NAALADL2: variants seen among roughly 807,000 people sequenced by gnomAD.
NAALADL2 encodes the protein N-acetylated alpha-linked acidic dipeptidase like 2.
Under a neutral mutation model 87.2 loss-of-function variants are expected in NAALADL2, and 76 were observed. The ratio of observed to expected loss-of-function variants is 0.87; its 90% CI spans 0.72 to 1.05. The LOEUF (loss-of-function observed/expected upper bound fraction) is 1.05. NAALADL2 is among the 50% of genes least tolerant of loss of function. NAALADL2 has a pLI of 0.00. For missense variants in NAALADL2, 1,089 were observed against 945.8 expected, an observed-to-expected ratio of 1.15 and a Z score of -1.99; for synonymous variants, 354 against 331.0, an observed-to-expected ratio of 1.07 and a Z score of -0.75.
chr3:175,588,785 G>A lies in NAALADL2; in HGVS notation c.1800+12598G>A, dbSNP rs982413132. 6.6e-5 allele frequency among the ~76,000 whole-genome samples: 10 copies of A among 152,088 alleles called. No individual in the cohort carries two copies. In the South Asian group the frequency reaches 1.5e-3, roughly 22 times the overall value. On this transcript the variant is annotated intron_variant, in intron 10 of 13. Coordinates refer to ENST00000454872, the MANE Select transcript of NAALADL2 (RefSeq NM_207015.3). Reference sequence around the variant, plus strand: ...GATCTCCTGACCTCGTGATCCGCCCGCCTTGGCCTCCCAAAGTGCTGGGAT... The same window carrying A: ...GATCTCCTGACCTCGTGATCCGCCCACCTTGGCCTCCCAAAGTGCTGGGAT...
At chr3:175,273,917 A>G (rs1188663003) in intron 4 of NAALADL2, among the ~76,000 whole-genome samples, 2 of 152,060 alleles carry the variant, frequency 1.3e-5, no homozygotes, top group Non-Finnish European at 2.9e-5. Context: ...AAAATCGTTA[A>G]GTTTCTTAAA....
chr3:175,436,003 C>A (rs1289170422), intron 5 of NAALADL2, among the ~76,000 whole-genome samples: 1 of 114,824 alleles, frequency 8.7e-6, no homozygotes, highest in Admixed American at 1.0e-4. Context: ...CTCCCCCCTC[C>A]CCCCACCCCA....
At position 175,309,636 on chromosome 3, in the gene NAALADL2, T is replaced by C. The variant is rs1483793514; in HGVS notation, c.940-14539T>C. The stretch of plus-strand genomic sequence containing the variant: ...TTTTTTTCAGCTTCCCTGACACTAC[T>C]CCCCACCCTAGACAAATGCAAAGAA... On this transcript the variant is annotated intron_variant, in intron 4 of 13. Coordinates refer to ENST00000454872, the MANE Select transcript of NAALADL2 (RefSeq NM_207015.3). Among the ~76,000 whole-genome samples the C allele has an allele frequency of 6.6e-5, 10 of 152,002 alleles. No homozygotes were observed. In the East Asian group the frequency reaches 1.4e-3, roughly 21 times the overall value.
intron 2 of NAALADL2, among the ~76,000 whole-genome samples, chr3:175,166,314 C>T (rs1734000435): frequency 6.6e-6 from 1 of 151,984 alleles, no homozygotes; most frequent in Admixed American, 6.6e-5. Context: ...TTCTGATTCT[C>T]ACCTCATTTC....
chr3:175,302,559 A>G (rs1757213068), intron 4 of NAALADL2, among the ~76,000 whole-genome samples: 1 of 152,168 alleles, frequency 6.6e-6, no homozygotes, highest in South Asian at 2.1e-4. Flanking sequence ...GATAGAACAG[A>G]CATTCTGGAA....
At chr3:174,697,696 C>T (rs578017392) in intron 2 of NAALADL2, among the ~76,000 whole-genome samples, 13 of 152,150 alleles carry the variant, frequency 8.5e-5, no homozygotes, top group African/African-American at 2.9e-4. Context: ...ATCATGGCCC[C>T]TAGTTTTCAC....
intron 1 of NAALADL2, among the ~76,000 whole-genome samples, chr3:174,530,990 G>T (rs1721188921): frequency 6.6e-6 from 1 of 152,142 alleles, no homozygotes; most frequent in Non-Finnish European, 1.5e-5. Flanking sequence ...TTGAGGTAAA[G>T]CACACTGACC....
chr3:174,620,078 C>T (rs933305351), intron 2 of NAALADL2, among the ~76,000 whole-genome samples: 3 of 151,898 alleles, frequency 2.0e-5, no homozygotes, highest in African/African-American at 7.2e-5. Context: ...TACAAAGTAC[C>T]CCGATCCACA....
At chr3:174,926,835 G>C (rs910469733) in intron 1 of NAALADL2, among the ~76,000 whole-genome samples, 2 of 152,028 alleles carry the variant, frequency 1.3e-5, no homozygotes, top group African/African-American at 4.8e-5. Flanking sequence ...ATAATGACAG[G>C]ATCAAATTCA....
At chr3:174,472,511 C>T (rs1393324430) in intron 1 of NAALADL2, among the ~76,000 whole-genome samples, 1 of 152,076 alleles carries the variant, frequency 6.6e-6, no homozygotes, top group African/African-American at 2.4e-5. Context: ...GGAGGGATCA[C>T]AAAATTCCAT....
At chr3:174,927,047 A>G (rs1280920382) in intron 1 of NAALADL2, among the ~76,000 whole-genome samples, 3 of 150,378 alleles carry the variant, frequency 2.0e-5, no homozygotes, top group Non-Finnish European at 4.4e-5. Context: ...AAAAAAAGGC[A>G]GGGGTTGCAA....
chr3:175,036,804 C>CTTTTTT (rs10662446), intron 1 of NAALADL2, among the ~76,000 whole-genome samples: 22 of 117,346 alleles, frequency 1.9e-4, no homozygotes, highest in South Asian at 2.8e-4. Flanking sequence ...TCCATCTGTT[C>CTTTTTT]TTTTTTTTTT....
chr3:174,733,228 G>T (rs1266696767), intron 2 of NAALADL2, among the ~76,000 whole-genome samples: 1 of 152,132 alleles, frequency 6.6e-6, no homozygotes. Context: ...ACGCTTAAAA[G>T]GTCCACAAAG....
At chr3:174,657,041 CTTTTT>C (rs60569510) in intron 2 of NAALADL2, among the ~76,000 whole-genome samples, 9 of 115,816 alleles carry the variant, frequency 7.8e-5, no homozygotes, top group African/African-American at 1.1e-4. Flanking sequence ...TTTCCTTCTT[CTTTTT>C]TTTTTTTTTT....
rs1189823507 is a variant in NAALADL2, at chr3:175,199,881, T to C, written c.546-34050T>C. On this transcript the variant is annotated intron_variant, in intron 2 of 13. Transcript: ENST00000454872. ...ATATATATATTTTTTTTTTTTTTTT[T>C]TTTTTTTTTTTCCTTAGTCCATCTG... Among the ~76,000 whole-genome samples, 26 of 94,908 alleles carry C rather than the reference T, an allele frequency of 2.7e-4. No homozygotes were observed. In the East Asian group the frequency reaches 6.3e-3, roughly 23 times the overall value. 62.3% of individuals were successfully genotyped at this position (94,908 alleles called of 152,430 possible).
At chr3:175,388,479 A>G (rs887987603) in intron 5 of NAALADL2, among the ~76,000 whole-genome samples, 3 of 152,146 alleles carry the variant, frequency 2.0e-5, no homozygotes, top group Non-Finnish European at 2.9e-5. Flanking sequence ...GAGTGAAATT[A>G]TATAGGAAAT....
chr3:174,746,363 T>C (rs1025543341), intron 3 of NAALADL2, among the ~76,000 whole-genome samples: 1 of 151,910 alleles, frequency 6.6e-6, no homozygotes, highest in Non-Finnish European at 1.5e-5. Context: ...CCTAGGAATA[T>C]GGCTAACAAG....
intron 2 of NAALADL2, among the ~76,000 whole-genome samples, chr3:175,108,784 G>A (rs1173982819): frequency 3.9e-5 from 6 of 151,914 alleles, no homozygotes; most frequent in African/African-American, 1.4e-4. Flanking sequence ...TTCAAAATAT[G>A]CCTTGCTATT....
At chr3:174,902,787 G>A (rs1036342359) in intron 1 of NAALADL2, among the ~76,000 whole-genome samples, 4 of 152,076 alleles carry the variant, frequency 2.6e-5, no homozygotes, top group Admixed American at 6.6e-5. Context: ...CAAGGAGGGC[G>A]GCACTGATGG....
Sources: allele counts gnomAD v4.1 joint callset (sites outside exome capture counted in the v4.1 genomes callset), GRCh38; gene constraint gnomAD v4.1.1; transcripts MANE v1.5; gene names NCBI Gene and HGNC (gene_info 2026-07-23, HGNC 2026-07-21).